CALN1: variants seen among roughly 807,000 people sequenced by gnomAD.
CALN1 encodes calcium-binding protein 8.
In CALN1, 17 loss-of-function variants were observed where a neutral mutation model predicts 30.6. The ratio of observed to expected loss-of-function variants is 0.56; its 90% CI spans 0.38 to 0.83. CALN1 has a LOEUF of 0.83. CALN1 is among the 40% of genes least tolerant of loss of function. CALN1 has a pLI of 0.00. For synonymous variants in CALN1, 156 were observed against 131.4 expected (o/e 1.19, Z -1.28); for missense variants, 291 against 354.9 (o/e 0.82, Z 1.45).
At chr7:71,809,734 T>A (rs962679073) in intron 6 of CALN1, among the ~76,000 whole-genome samples, 3 of 151,972 alleles carry the variant, frequency 2.0e-5, no homozygotes, top group Admixed American at 6.6e-5. Flanking sequence ...TAAAAAAAAA[T>A]AACCTTTCAT....
rs369287639 is a variant in CALN1, at chr7:72,396,254, A to G, written c.119+6997T>C. Among the ~76,000 whole-genome samples the G allele has an allele frequency of 2.2e-3, 172 of 78,134 alleles. 2 individuals carry two copies. The highest frequency in any genetic ancestry group is 7.8e-3 in the African/African-American group (96 of 12,230). 51.3% of individuals were successfully genotyped at this position (78,134 alleles called of 152,430 possible). ...CTCTACTAAAAAAAAAAAAAAAAAA[A>G]AAAGAAAGAAAAAGAAAAATTAGCT... On this transcript the variant is annotated intron_variant, in intron 2 of 6. Coordinates refer to ENST00000395275, the MANE Select transcript of CALN1 (RefSeq NM_031468.4).
chr7:72,321,956 G>A (rs1800909791), intron 2 of CALN1, among the ~76,000 whole-genome samples: 1 of 152,170 alleles, frequency 6.6e-6, no homozygotes, highest in South Asian at 2.1e-4. Flanking sequence ...AACATTTTTG[G>A]CACCAAGGAC....
chr7:72,288,439 T>C (rs1798248360), intron 2 of CALN1, among the ~76,000 whole-genome samples: 1 of 152,168 alleles, frequency 6.6e-6, no homozygotes, highest in Non-Finnish European at 1.5e-5. Flanking sequence ...TTCTGCCACA[T>C]TGTTTTCATT....
intron 5 of CALN1, among the ~76,000 whole-genome samples, chr7:71,939,942 G>A (rs1297595245): frequency 6.6e-6 from 1 of 152,166 alleles, no homozygotes; most frequent in Non-Finnish European, 1.5e-5. Flanking sequence ...ATGGACAGAG[G>A]ATACGCCTTA....
chr7:71,956,684 C>CATTTTATTTTATT (rs888749616), intron 5 of CALN1, among the ~76,000 whole-genome samples: 1 of 151,598 alleles, frequency 6.6e-6, no homozygotes, highest in Non-Finnish European at 1.5e-5. Context: ...GGAGCATTTA[C>CATTTTATTTTATT]ATTTTATTTT....
intron 2 of CALN1, among the ~76,000 whole-genome samples, chr7:72,396,927 G>A (rs946975014): frequency 3.3e-5 from 5 of 152,114 alleles, no homozygotes; most frequent in African/African-American, 1.2e-4. Flanking sequence ...AGTAGAACTA[G>A]TAAGACAGGG....
chr7:72,360,575 GAAAT>G (rs1044001720), intron 2 of CALN1, among the ~76,000 whole-genome samples: 1 of 151,084 alleles, frequency 6.6e-6, no homozygotes, highest in Middle Eastern at 3.4e-3. Flanking sequence ...ATTAGATAGA[GAAAT>G]AAATACTGTA....
chr7:72,439,587 T>C (rs1253307070), intron 1 of CALN1, among the ~76,000 whole-genome samples: 2 of 151,738 alleles, frequency 1.3e-5, no homozygotes, highest in African/African-American at 4.8e-5. Flanking sequence ...TTATTCTTTT[T>C]TTTTTTTTGA....
At chr7:71,873,067 G>A (rs1252439571) in intron 5 of CALN1, among the ~76,000 whole-genome samples, 2 of 146,314 alleles carry the variant, frequency 1.4e-5, no homozygotes, top group African/African-American at 2.6e-5. Context: ...GCAGTGGCGC[G>A]ATCTTGGCTC....
intron 5 of CALN1, among the ~76,000 whole-genome samples, chr7:71,872,316 A>G (rs1197459017): frequency 6.6e-6 from 1 of 152,182 alleles, no homozygotes; most frequent in Non-Finnish European, 1.5e-5. Context: ...ACTCAAGTTT[A>G]TCATTTTAAG....
chr7:71,796,253 T>C (rs1183021518), intron 6 of CALN1, among the ~76,000 whole-genome samples: 3 of 152,180 alleles, frequency 2.0e-5, no homozygotes, highest in African/African-American at 7.2e-5. Context: ...CATGCCGCTA[T>C]GAACATCCAT....
chr7:72,145,878 T>C (rs1786675492), intron 3 of CALN1, among the ~76,000 whole-genome samples: 1 of 152,206 alleles, frequency 6.6e-6, no homozygotes, highest in African/African-American at 2.4e-5. Flanking sequence ...AACCACATGA[T>C]TATCTCAATA....
chr7:71,974,311 A>C (rs1221170778), intron 5 of CALN1, among the ~76,000 whole-genome samples: 1 of 149,350 alleles, frequency 6.7e-6, no homozygotes, highest in Non-Finnish European at 1.5e-5. Context: ...CCAGCTACTC[A>C]GGAGATTGAG....
intron 2 of CALN1, among the ~76,000 whole-genome samples, chr7:72,369,322 A>AAT (rs1804076185): frequency 7.3e-6 from 1 of 136,924 alleles, no homozygotes. Flanking sequence ...AATATTTATA[A>AAT]TATATATAAT....
intron 1 of CALN1, among the ~76,000 whole-genome samples, chr7:72,424,024 G>A (rs1483520970): frequency 6.9e-6 from 1 of 144,830 alleles, no homozygotes; most frequent in Non-Finnish European, 1.5e-5. Flanking sequence ...GGAGGGAGGA[G>A]GGGAAGGAAG....
intron 3 of CALN1, among the ~76,000 whole-genome samples, chr7:72,268,065 A>G (rs554711928): frequency 1.3e-5 from 2 of 152,234 alleles, no homozygotes; most frequent in Non-Finnish European, 1.5e-5. Flanking sequence ...GGATGATTGA[A>G]AAGGTTAAAT....
chr7:72,337,058 C>T (rs534909191), intron 2 of CALN1: 7 of 985,628 alleles, frequency 7.1e-6, no homozygotes, highest in Non-Finnish European at 8.4e-6. Context: ...TCTACCCCTC[C>T]CGCTCCCGCT....
intron 2 of CALN1, among the ~76,000 whole-genome samples, chr7:72,346,245 C>A (rs1289725118): frequency 6.6e-6 from 1 of 152,056 alleles, no homozygotes; most frequent in Non-Finnish European, 1.5e-5. Context: ...AGGTCAATTG[C>A]GCAAAATGGT....
chr7:72,168,545 T>TG, intron 3 of CALN1, among the ~76,000 whole-genome samples: 1 of 152,320 alleles, frequency 6.6e-6, no homozygotes, highest in East Asian at 1.9e-4. Context: ...ATAATGTTTG[T>TG]GTGAAGCTAG....
Sources: gnomAD v4.1 joint callset for allele counts (sites outside exome capture counted in the v4.1 genomes callset) on GRCh38, gnomAD v4.1.1 for gene constraint, MANE v1.5 for transcripts, NCBI Gene and HGNC (gene_info 2026-07-23, HGNC 2026-07-21) for gene names.